Variants in SF3B2 observed in about 807,000 individuals in gnomAD.
SF3B2 encodes SAP 145.
SF3B2 carries 22 observed loss-of-function variants against 116.3 expected under a neutral mutation model. The observed-to-expected ratio is 0.19, with a 90% CI of 0.14 to 0.27. SF3B2 has a LOEUF of 0.27. Ranked by LOEUF, SF3B2 falls within the 10% of genes least tolerant of loss-of-function variation. The pLI, the probability that SF3B2 is intolerant of heterozygous loss-of-function variation, is 1.00. For synonymous variants in SF3B2, 406 were observed against 421.6 expected, an observed-to-expected ratio of 0.96 and a Z score of 0.45; for missense variants, 767 against 1,151.4, an observed-to-expected ratio of 0.67 and a Z score of 4.83.
Position 66,053,063 on chromosome 11 carries a change from G to A in SF3B2, c.217G>A (p.Glu73Lys). 1 of 1,614,126 alleles carries A rather than the reference G, an allele frequency of 6.2e-7. No homozygotes were observed. Among genetic ancestry groups the A allele is most frequent in the Non-Finnish European group, 8.5e-7 (1 of 1,180,038 alleles). ...IVLNRPVLRG[E>K]DGDKAAPPPM... The stretch of plus-strand genomic sequence containing the variant: ...GCTGAATCGGCCGGTTTTGAGAGGG[G>A]AAGATGGGGACAAAGCCGCTCCACC... Residue 73 changes from glutamate (E) to lysine (K), a missense_variant, in exon 3 of 22, where the codon GAA (glutamate) becomes AAA (lysine). By Grantham distance (56) the Glu-to-Lys change is moderately conservative. Around this residue, in one of 4 missense-constraint regions of SF3B2, gnomAD observed 455 missense variants for 537.5 expected, o/e 0.85. Transcript: ENST00000322535.
intron 19 of SF3B2, chr11:66,064,833 AC>A (rs899223522): frequency 3.3e-5 from 5 of 152,230 alleles, no homozygotes; most frequent in African/African-American, 4.8e-5. Flanking sequence ...TATTAAAAAA[AC>A]ATTTCTTGTA....
intron 21 of SF3B2, 161 bp downstream of exon 21, chr11:66,068,494 C>T (rs1451276047): frequency 5.5e-6 from 5 of 908,196 alleles, no homozygotes; most frequent in Middle Eastern, 3.5e-4. Context: ...CAGTGGGCTG[C>T]CCTCTTTAAG....
At chr11:66,067,199 G>A in intron 19 of SF3B2, 1 of 277,340 alleles carries the variant, frequency 3.6e-6, no homozygotes, top group East Asian at 9.2e-5. Flanking sequence ...ATTCAAGGAA[G>A]AAAAATAAAG....
In SF3B2 at chr11:66,058,843, G is replaced by A. The variant is rs756531308; in HGVS notation, c.980G>A (p.Arg327His). 23 of 1,610,748 alleles carry A rather than the reference G, an allele frequency of 1.4e-5. No homozygotes were observed. Among genetic ancestry groups the A allele is most frequent in the African/African-American group, 2.7e-5 (2 of 74,616 alleles). ...SVSKKEKNRK[R>H]RNRKKKKKPQ... ...TCCTCTTGACAGAAAAACCGGAAGC[G>A]TAGGAACCGAAAGAAGAAGAAAAAG... is the stretch of plus-strand genomic sequence containing the variant. Residue 327 changes from arginine (R) to histidine (H), a missense_variant, in exon 10 of 22, where the codon CGT becomes CAT. Physicochemically the swap from Arg to His is conservative, Grantham distance 29 (BLOSUM62 0). Around this residue, in one of 4 missense-constraint regions of SF3B2, gnomAD observed 455 missense variants for 537.5 expected, o/e 0.85. Transcript: ENST00000322535.
At chr11:66,053,834 A>G (rs1042061903) in intron 3 of SF3B2, 1 of 152,564 alleles carries the variant, frequency 6.6e-6, no homozygotes, top group Non-Finnish European at 1.5e-5. Context: ...ACCTGCGCAT[A>G]CTGCACATGT....
Position 66,052,410 on chromosome 11 carries a change from C to T in SF3B2, c.26C>T (p.Pro9Leu), listed in dbSNP as rs1055874516. The stretch of plus-strand genomic sequence containing the variant: ...ATGGCGACGGAGCATCCCGAGCCTC[C>T]CAAAGCAGAATTGCAGCTGCCGCCG... MATEHPEP[P>L]KAELQLPPPP... Residue 9 changes from proline to leucine, a missense_variant, in exon 1 of 22, where the codon CCC (proline) becomes CTC (leucine). Physicochemically the swap from Pro to Leu is moderately conservative, Grantham distance 98 (BLOSUM62 -3). Around this residue, in one of 4 missense-constraint regions of SF3B2, gnomAD observed 455 missense variants for 537.5 expected, o/e 0.85. Coordinates refer to ENST00000322535, the MANE Select transcript of SF3B2 (RefSeq NM_006842.3). 7 of 1,612,734 alleles carry T rather than the reference C, an allele frequency of 4.3e-6. No homozygotes were observed. The highest frequency in any genetic ancestry group is 5.9e-6 in the Non-Finnish European group (7 of 1,179,844).
rs11227394 is a variant in SF3B2, at chr11:66,061,524, T to C, written c.1780-162T>C. ...TATTGACAGCACTGTGAGTCTGGCC[T>C]GGTTTTTATTCCTTCCCCGACTTTG... On this transcript the variant is annotated intron_variant, in intron 14 of 21. Coordinates refer to ENST00000322535, the MANE Select transcript of SF3B2 (RefSeq NM_006842.3). 7.8e-3 allele frequency among the ~76,000 whole-genome samples: 1,188 copies of C among 152,298 alleles called. 38 individuals carry two copies. The East Asian group carries it at 0.11, about 14-fold the overall frequency.
chr11:66,057,237 A>T (rs1479098616), intron 6 of SF3B2, 29 bp from the exon 7 acceptor site: 1 of 1,363,432 alleles, frequency 7.3e-7, no homozygotes. Context: ...GCCTCTTCTG[A>T]CATTGGATTT....
At chr11:66,062,505 A>T (rs1485404182) in intron 16 of SF3B2, among the ~76,000 whole-genome samples, 1 of 150,654 alleles carries the variant, frequency 6.6e-6, no homozygotes, top group Non-Finnish European at 1.5e-5. Context: ...AAAAGAAATA[A>T]TTTTTTTTTA....
chr11:66,059,142 G>T lies in SF3B2; in HGVS notation c.1183-59G>T, dbSNP rs149179847. The T allele has an allele frequency of 1.4e-4, 226 of 1,612,186 alleles. 1 individual carries two copies. The African/African-American group carries it at 2.5e-3, about 18-fold the overall frequency. On this transcript the variant is annotated intron_variant, in intron 10 of 21. Transcript: ENST00000322535. The surrounding 1 kb of genome is among the most constrained non-coding windows in gnomAD (Gnocchi z 5.0). ...GGTGAACAGGCATCTTTTAGTGCTG[G>T]CCTTAGGAACTGGGAAGGGGCTCAG...
rs763631737 is a variant in SF3B2 at position 66,052,400 on chromosome 11, C to A, written c.16C>A (p.Pro6Thr). Residue 6 changes from proline to threonine, a missense_variant, in exon 1 of 22, where the codon CCC (proline) becomes ACC (threonine). Around this residue, in one of 4 missense-constraint regions of SF3B2, gnomAD observed 455 missense variants for 537.5 expected, o/e 0.85. Transcript: ENST00000322535. MATEHPEPPKAELQLP... is the reference protein window; with the variant it reads MATEHTEPPKAELQLP... ...TGCGGCTAAGATGGCGACGGAGCAT[C>A]CCGAGCCTCCCAAAGCAGAATTGCA... is the stretch of plus-strand genomic sequence containing the variant. 1 of 1,611,988 alleles carries A rather than the reference C, an allele frequency of 6.2e-7. No individual in the cohort carries two copies. Among genetic ancestry groups the A allele is most frequent in the Non-Finnish European group, 8.5e-7 (1 of 1,179,564 alleles).
intron 16 of SF3B2, 95 bp downstream of exon 16, chr11:66,062,093 CTT>C: frequency 1.2e-6 from 1 of 800,672 alleles, no homozygotes; most frequent in Non-Finnish European, 2.0e-6. Context: ...CCATGTGTCT[CTT>C]TATTTACTTA....
At chr11:66,061,634 C>A in intron 14 of SF3B2, 52 bp from the exon 15 acceptor site, 2 of 1,334,774 alleles carry the variant, frequency 1.5e-6, no homozygotes, top group Non-Finnish European at 2.2e-6. Context: ...TAGGATTGTG[C>A]TCCCACTGAG....
intron 21 of SF3B2, 41 bp downstream of exon 21, chr11:66,068,374 G>C (rs762526972): frequency 6.6e-7 from 1 of 1,507,186 alleles, no homozygotes; most frequent in Non-Finnish European, 8.8e-7. Flanking sequence ...GAGAGCCAGG[G>C]ACCCTGGCCT....
At chr11:66,065,279 GTACTT>G (rs1375813285) in intron 19 of SF3B2, 4 of 152,170 alleles carry the variant, frequency 2.6e-5, no homozygotes, top group African/African-American at 9.7e-5. Context: ...CCTTCTTTCA[GTACTT>G]TTAAGATGTT....
chr11:66,067,871 C>G, intron 19 of SF3B2, 75 bp from the exon 20 acceptor site: 1 of 1,202,170 alleles, frequency 8.3e-7, no homozygotes, highest in Non-Finnish European at 1.2e-6. Flanking sequence ...GAGGTGCCAC[C>G]TGTATCTTTT....
At position 66,059,007 on chromosome 11, in the gene SF3B2, A is replaced by G. The variant is rs747955192; in HGVS notation, c.1144A>G (p.Asn382Asp). 1.9e-6 allele frequency: 3 copies of G among 1,614,156 alleles called. No homozygotes were observed. The highest frequency in any genetic ancestry group is 1.7e-5 in the Admixed American group (1 of 60,012). The change falls in exon 10 of 22, where the codon AAC becomes GAC. Residue 382 changes from asparagine (N) to aspartate (D), a missense_variant. Around this residue, in one of 4 missense-constraint regions of SF3B2, gnomAD observed 455 missense variants for 537.5 expected, o/e 0.85. Transcript: ENST00000322535. The surrounding 1 kb of genome is among the most constrained non-coding windows in gnomAD (Gnocchi z 5.0). ...TGAAGAACCTGAAATTTACGAGCCC[A>G]ACTTTATCTTCTTTAAGAGGATCTT... ...VTEEPEIYEP[N>D]FIFFKRIFEA...
chr11:66,052,840 T>C, intron 2 of SF3B2, 121 bp downstream of exon 2: 2 of 1,312,396 alleles, frequency 1.5e-6, no homozygotes, highest in Non-Finnish European at 2.1e-6. Flanking sequence ...AGGCTTGCCC[T>C]TTTTAGCTTG....
rs185379093 is a variant in SF3B2, at chr11:66,055,696, C to T, written c.549+111C>T. 67 of 960,966 alleles carry T rather than the reference C, an allele frequency of 7.0e-5. No homozygotes were observed. The East Asian group carries it at 1.3e-3, about 19-fold the overall frequency. 59.5% of individuals were successfully genotyped at this position (960,966 alleles called of 1,614,324 possible). ...TCCCTGGAGGCTACTTTGTTCTCAA[C>T]TAAGTTCTAGTATCTTCCAAAGCTT... On this transcript the variant is annotated intron_variant, in intron 5 of 21. Coordinates refer to ENST00000322535, the MANE Select transcript of SF3B2 (RefSeq NM_006842.3).
Sources: allele counts gnomAD v4.1 joint callset (sites outside exome capture counted in the v4.1 genomes callset), GRCh38; gene constraint gnomAD v4.1.1; regional missense constraint gnomAD v4.1.1; non-coding constraint Gnocchi (gnomAD v3.1); transcripts MANE v1.5; gene names NCBI Gene and HGNC (gene_info 2026-07-23, HGNC 2026-07-21).